The following SDAD1 variants were observed in gnomAD, a reference collection of about 807,000 sequenced individuals.
The protein encoded by SDAD1 is SDA1 domain containing 1, also known as protein SDA1 homolog.
SDAD1 carries 79 observed loss-of-function variants against 100.3 expected under a neutral mutation model. The observed-to-expected ratio is 0.79, with a 90% confidence interval of 0.66 to 0.95. The LOEUF is 0.95. SDAD1 is among the 40% of genes least tolerant of loss of function. The pLI is 0.00. For missense variants in SDAD1, 790 were observed against 810.9 expected, an observed-to-expected ratio of 0.97 and a Z score of 0.31; for synonymous variants, 267 against 271.4, an observed-to-expected ratio of 0.98 and a Z score of 0.16.
intron 6 of SDAD1, among the ~76,000 whole-genome samples, chr4:75,974,894 T>G (rs1228369386): frequency 2.0e-5 from 3 of 148,900 alleles, no homozygotes; most frequent in Non-Finnish European, 4.4e-5. Context: ...CAAAAAAAAT[T>G]AGCCGAGCAT....
At position 75,961,303 on chromosome 4, in the gene SDAD1, T is replaced by C. The variant is rs369140120; in HGVS notation, c.1187A>G (p.Asn396Ser). Residue 396 changes from asparagine to serine, a missense_variant, in exon 15 of 22, where the codon AAT (asparagine) becomes AGT (serine). Asn to Ser is a conservative substitution (Grantham distance 46). Coordinates refer to ENST00000356260, the MANE Select transcript of SDAD1 (RefSeq NM_018115.4). Reference sequence around the variant, plus strand: ...TCGAGCTGTTATCTCCTTTATAGCATTGATTCTAGAAAAAGAAAAACAAAG... The same window carrying C: ...TCGAGCTGTTATCTCCTTTATAGCACTGATTCTAGAAAAAGAAAAACAAAG... ...NSGEVMTVGI[N>S]AIKEITARCP... 7.8e-5 allele frequency: 125 copies of C among 1,610,768 alleles called. No homozygotes were observed. The highest frequency in any genetic ancestry group is 4.5e-4 in the Admixed American group (27 of 59,438).
chr4:75,960,234 T>TA, intron 16 of SDAD1, 42 bp from the exon 17 acceptor site: 1 of 1,498,532 alleles, frequency 6.7e-7, no homozygotes. Flanking sequence ...GCTTAGATCA[T>TA]AAAACCTTAA....
chr4:75,981,604 C>G, intron 2 of SDAD1, 134 bp from the exon 3 acceptor site: 2 of 1,429,682 alleles, frequency 1.4e-6, no homozygotes, highest in South Asian at 1.2e-5. Context: ...AAACAACCTT[C>G]TTTTCCTTCT....
Position 75,975,935 on chromosome 4 carries a change from T to C in SDAD1, c.466A>G (p.Lys156Glu). ...KNINAKHKNN[K>E]VNVVLQNFMY... is the part of the protein sequence containing the mutation. ...AGAAGAGTACTTACTACATTCACTTTATTGTTCTTGTGTTTTGCATTTATA... is the reference window on the plus strand; with the variant it reads ...AGAAGAGTACTTACTACATTCACTTCATTGTTCTTGTGTTTTGCATTTATA... The change falls in exon 5 of 22, where the codon AAA becomes GAA. Residue 156 changes from lysine to glutamate, a missense_variant. Transcript: ENST00000356260. 6.2e-7 allele frequency: 1 copy of C among 1,605,504 alleles called. No homozygotes were observed. Among genetic ancestry groups the C allele is most frequent in the Admixed American group, 1.7e-5 (1 of 60,008 alleles).
chr4:75,957,977 A>C (rs773286187), intron 17 of SDAD1, 36 bp from the exon 18 acceptor site: 2 of 1,515,838 alleles, frequency 1.3e-6, no homozygotes, highest in Non-Finnish European at 1.8e-6. Flanking sequence ...CTGCCATTTT[A>C]TGTTGCACAT....
At chr4:75,987,705 T>C (rs560912968) in intron 1 of SDAD1, among the ~76,000 whole-genome samples, 1 of 152,290 alleles carries the variant, frequency 6.6e-6, no homozygotes, top group Admixed American at 6.5e-5. Context: ...TTTCACCATG[T>C]TGGTCAGGCT....
chr4:75,959,947 A>T, intron 17 of SDAD1, 119 bp downstream of exon 17: 1 of 1,076,230 alleles, frequency 9.3e-7, no homozygotes, highest in Non-Finnish European at 1.3e-6. Flanking sequence ...AGTGCGTGGC[A>T]CATAGTCATT....
chr4:75,990,760 T>C lies in SDAD1; in HGVS notation c.82A>G (p.Ile28Val). ...NLIKRDPPAY[I>V]EEFLQQYNHY... Reference sequence around the variant, plus strand: ...CCGCGCCGCACTCCCACCTCCTCGATGTAGGCCGGCGGGTCTCGCTTGATT... The same window carrying C: ...CCGCGCCGCACTCCCACCTCCTCGACGTAGGCCGGCGGGTCTCGCTTGATT... Residue 28 changes from isoleucine (I) to valine (V), a missense_variant, in exon 1 of 22, where the codon ATC (isoleucine) becomes GTC (valine). Transcript: ENST00000356260. The C allele has an allele frequency of 1.2e-6, 2 of 1,614,042 alleles. No homozygotes were observed. The highest frequency in any genetic ancestry group is 1.7e-6 in the Non-Finnish European group (2 of 1,179,930).
intron 11 of SDAD1, among the ~76,000 whole-genome samples, chr4:75,968,790 G>C (rs1729697377): frequency 6.6e-6 from 1 of 152,148 alleles, no homozygotes; most frequent in Admixed American, 6.5e-5. Flanking sequence ...CCAGCACTTT[G>C]GGAGGCCAAG....
rs10018471 is a variant in SDAD1, at chr4:75,981,365, G to C, written c.294+7C>G. 3.3e-4 allele frequency: 540 copies of C among 1,613,210 alleles called. 3 individuals are homozygous for C. The African/African-American group carries it at 6.3e-3, about 19-fold the overall frequency. ...GCACAATTTATTCATCCAACTACTG[G>C]TCCTACCATTCGCAGATCTGGATCC... On this transcript the variant is annotated splice_region_variant and intron_variant, in intron 3 of 21. Transcript: ENST00000356260.
At chr4:75,978,820 A>C (rs1390393720) in intron 3 of SDAD1, among the ~76,000 whole-genome samples, 9 of 151,390 alleles carry the variant, frequency 5.9e-5, no homozygotes, top group African/African-American at 1.9e-4. Flanking sequence ...TACACAAAAA[A>C]AAAAAAAATT....
At chr4:75,990,341 G>C (rs1026869044) in intron 1 of SDAD1, among the ~76,000 whole-genome samples, 2 of 147,698 alleles carry the variant, frequency 1.4e-5, no homozygotes, top group Non-Finnish European at 3.0e-5. Flanking sequence ...GACGTCAATC[G>C]AAAGCATTCT....
At chr4:75,979,303 A>G (rs904131410) in intron 3 of SDAD1, among the ~76,000 whole-genome samples, 3 of 152,220 alleles carry the variant, frequency 2.0e-5, no homozygotes, top group Non-Finnish European at 4.4e-5. Flanking sequence ...TTGGAAAAAT[A>G]GCAAATACAC....
chr4:75,967,952 G>C (rs865968124), intron 11 of SDAD1, among the ~76,000 whole-genome samples: 3 of 152,176 alleles, frequency 2.0e-5, no homozygotes, highest in Non-Finnish European at 4.4e-5. Flanking sequence ...TTCAAGAAGA[G>C]AAACTGGAAA....
intron 13 of SDAD1, 70 bp from the exon 14 acceptor site, chr4:75,964,281 G>A (rs975225669): frequency 8.8e-6 from 9 of 1,024,022 alleles, no homozygotes; most frequent in Non-Finnish European, 1.5e-6. Flanking sequence ...AAGAATGAAA[G>A]GACAATAGAT....
Position 75,964,595 on chromosome 4 carries a change from A to G in SDAD1, c.1105-384T>C, listed in dbSNP as rs141512463. 6.6e-5 allele frequency among the ~76,000 whole-genome samples: 10 copies of G among 151,444 alleles called. No individual in the cohort carries two copies. In the East Asian group the frequency reaches 1.9e-3, roughly 29 times the overall value. On this transcript the variant is annotated intron_variant, in intron 13 of 21. Transcript: ENST00000356260. ...CCCCTTAAGAGTTAGTGTCTCTTCT[A>G]TCTATTAAAAGAAGAAAACGGTGAG...
intron 14 of SDAD1, among the ~76,000 whole-genome samples, chr4:75,962,990 T>C (rs1308814184): frequency 2.6e-5 from 4 of 152,228 alleles, no homozygotes; most frequent in Non-Finnish European, 5.9e-5. Context: ...TGAATGGTAT[T>C]GCCTAGGTTT....
At position 75,957,326 on chromosome 4, in the gene SDAD1, A is replaced by T. The variant is rs1307150154; in HGVS notation, c.1853T>A (p.Met618Lys). The change falls in exon 20 of 22, where the codon ATG becomes AAG. Residue 618 changes from methionine to lysine, a missense_variant and splice_region_variant. Coordinates refer to ENST00000356260, the MANE Select transcript of SDAD1 (RefSeq NM_018115.4). Reference sequence around the variant, plus strand: ...ACTAGGAATGATATGCTCACTCACCATTGCAGTTGCTAGTCTTGTCTCTTT... The same window carrying T: ...ACTAGGAATGATATGCTCACTCACCTTTGCAGTTGCTAGTCTTGTCTCTTT... ...SDKETRLATA[M>K]AGKTDRKEFV... 6.2e-7 allele frequency: 1 copy of T among 1,613,102 alleles called. No individual in the cohort carries two copies. Among genetic ancestry groups the T allele is most frequent in the Admixed American group, 1.7e-5 (1 of 59,972 alleles).
chr4:75,965,199 C>T (rs973460738), intron 13 of SDAD1, among the ~76,000 whole-genome samples: 1 of 152,120 alleles, frequency 6.6e-6, no homozygotes, highest in African/African-American at 2.4e-5. Context: ...GGACATCTGT[C>T]TTTTAAGGTT....
Sources: allele counts gnomAD v4.1 joint callset (sites outside exome capture counted in the v4.1 genomes callset), GRCh38; gene constraint gnomAD v4.1.1; transcripts MANE v1.5; gene names NCBI Gene and HGNC (gene_info 2026-07-23, HGNC 2026-07-21).